PGM2: variants seen among roughly 807,000 people sequenced by gnomAD.
The protein encoded by PGM2 is phosphopentomutase.
PGM2 carries 57 observed loss-of-function variants against 74.6 expected under a neutral mutation model. That is an observed-to-expected ratio of 0.76 (90% CI 0.62 to 0.95). The LOEUF (loss-of-function observed/expected upper bound fraction) is 0.95, where lower values mean the gene tolerates loss of function less well. PGM2 is among the 40% of genes least tolerant of loss of function. The pLI is 0.00. For missense variants in PGM2, 706 were observed against 741.9 expected, an observed-to-expected ratio of 0.95 and a Z score of 0.56; for synonymous variants, 273 against 260.7, an observed-to-expected ratio of 1.05 and a Z score of -0.46.
chr4:37,862,342 T>G lies in PGM2; in HGVS notation c.*730T>G, dbSNP rs1711807283. ...AACTTGAAAGTAGCATATTTTTCTG[T>G]TTTTTGGTTGTTTGTTCATTTGTAT... On this transcript the variant is annotated 3_prime_UTR_variant, in exon 14 of 14. Coordinates refer to ENST00000381967, the MANE Select transcript of PGM2 (RefSeq NM_018290.4). The G allele has an allele frequency of 6.6e-6, 1 of 152,136 alleles. No individual in the cohort carries two copies. Among genetic ancestry groups the G allele is most frequent in the Non-Finnish European group, 1.5e-5 (1 of 68,006 alleles). 9.4% of individuals were successfully genotyped at this position (152,136 alleles called of 1,614,324 possible).
At chr4:37,844,027 G>A (rs901595152) in intron 6 of PGM2, among the ~76,000 whole-genome samples, 2 of 152,154 alleles carry the variant, frequency 1.3e-5, no homozygotes, top group Non-Finnish European at 1.5e-5. Context: ...GAACTGTCCC[G>A]GGCTGGCTGT....
intron 2 of PGM2, among the ~76,000 whole-genome samples, chr4:37,834,272 G>A (rs1666506668): frequency 6.6e-6 from 1 of 151,786 alleles, no homozygotes; most frequent in East Asian, 1.9e-4. Context: ...GGAATTCAAG[G>A]TTGCAGTGAA....
In PGM2 at chr4:37,862,430, C is replaced by T. The variant is rs993283449; in HGVS notation, c.*818C>T. 1 of 152,086 alleles carries T rather than the reference C, an allele frequency of 6.6e-6. No homozygotes were observed. The highest frequency in any genetic ancestry group is 1.5e-5 in the Non-Finnish European group (1 of 67,984). 9.4% of individuals were successfully genotyped at this position (152,086 alleles called of 1,614,324 possible). A position where few individuals can be genotyped will look rare whatever the true frequency, so the allele number is the denominator to read the frequency against. ...AAGACCTATGAGCAAGAACTATTTA[C>T]TTGACCCTCGTTTTTTTCTCTTGTT... On this transcript the variant is annotated 3_prime_UTR_variant, in exon 14 of 14. Transcript: ENST00000381967.
intron 13 of PGM2, among the ~76,000 whole-genome samples, chr4:37,857,389 G>C (rs1711561204): frequency 6.6e-6 from 1 of 152,076 alleles, no homozygotes; most frequent in African/African-American, 2.4e-5. Context: ...ATCTTAAATT[G>C]CCAAGCTAGT....
At chr4:37,856,648 T>C (rs983147882) in intron 13 of PGM2, among the ~76,000 whole-genome samples, 1 of 152,164 alleles carries the variant, frequency 6.6e-6, no homozygotes, top group Non-Finnish European at 1.5e-5. Flanking sequence ...CCTTAGTGTG[T>C]GTAAGTGTGA....
At position 37,850,459 on chromosome 4, in the gene PGM2, A is replaced by C; in HGVS notation, c.1602+86A>C. 2 of 839,846 alleles carry C rather than the reference A, an allele frequency of 2.4e-6. 1 individual carries two copies. The allele number at this position is 839,846 out of a possible 1,614,324, so 52.0% of individuals were successfully genotyped here. ...AATAAATTATTTAACCATACAATTA[A>C]TTGAAGCTGATTTTAGGCACTTAGG... On this transcript the variant is annotated intron_variant, in intron 12 of 13. Transcript: ENST00000381967.
intron 13 of PGM2, among the ~76,000 whole-genome samples, chr4:37,861,002 A>C (rs572369812): frequency 1.3e-5 from 2 of 152,212 alleles, no homozygotes; most frequent in South Asian, 4.1e-4. Context: ...GAGGCTCCCT[A>C]TTGCTGTTCA....
chr4:37,826,941 G>T (rs992265437), intron 1 of PGM2, 128 bp downstream of exon 1: 45 of 607,316 alleles, frequency 7.4e-5, no homozygotes, highest in Admixed American at 6.0e-4. Flanking sequence ...CCCCCGGGAA[G>T]ACCCAGGAGC....
At chr4:37,851,507 T>C (rs1726039139) in intron 12 of PGM2, among the ~76,000 whole-genome samples, 4 of 152,164 alleles carry the variant, frequency 2.6e-5, no homozygotes, top group Admixed American at 2.6e-4. Context: ...GGGAGGAAAG[T>C]TAAGAATATC....
At chr4:37,856,455 T>TAC (rs1726202153) in intron 13 of PGM2, among the ~76,000 whole-genome samples, 2 of 152,238 alleles carry the variant, frequency 1.3e-5, no homozygotes, top group Admixed American at 6.6e-5. Flanking sequence ...GAGTACCCAT[T>TAC]GTAGACAGGT....
chr4:37,840,559 A>G (rs1055594305), intron 6 of PGM2, among the ~76,000 whole-genome samples: 3 of 151,962 alleles, frequency 2.0e-5, no homozygotes, highest in Non-Finnish European at 4.4e-5. Flanking sequence ...ATTTTTTTGT[A>G]TTTTTAGTAG....
intron 4 of PGM2, among the ~76,000 whole-genome samples, chr4:37,838,600 C>T (rs905549279): frequency 6.6e-6 from 1 of 152,042 alleles, no homozygotes; most frequent in African/African-American, 2.4e-5. Flanking sequence ...TTGTGTTTGC[C>T]GGCTCTAGTG....
intron 8 of PGM2, among the ~76,000 whole-genome samples, chr4:37,846,698 A>G (rs532013766): frequency 6.6e-6 from 1 of 152,368 alleles, no homozygotes; most frequent in African/African-American, 2.4e-5. Context: ...CAGTCTTCAA[A>G]GACAGGATGT....
intron 12 of PGM2, 112 bp downstream of exon 12, chr4:37,850,485 C>T (rs1233338305): frequency 4.8e-6 from 3 of 627,794 alleles, no homozygotes; most frequent in African/African-American, 1.9e-5. Context: ...GGCACTTAGG[C>T]GTGATTATAA....
At chr4:37,833,883 G>A (rs140436989) in intron 2 of PGM2, among the ~76,000 whole-genome samples, 5 of 151,154 alleles carry the variant, frequency 3.3e-5, no homozygotes, top group Admixed American at 6.6e-5. Flanking sequence ...AGGTGGCAGC[G>A]TGGAGTACAA....
intron 12 of PGM2, among the ~76,000 whole-genome samples, chr4:37,852,482 A>G (rs900063088): frequency 1.6e-5 from 2 of 124,180 alleles, no homozygotes; most frequent in Non-Finnish European, 3.7e-5. Context: ...TCCTCTTTCT[A>G]TATTTATTTT....
At chr4:37,841,202 A>G (rs2608304) in intron 6 of PGM2, among the ~76,000 whole-genome samples, 36,520 of 123,228 alleles carry the variant, frequency 0.3, 6,225 homozygotes, top group African/African-American at 0.54. Context: ...TGTTCTGTGC[A>G]CTTTTCCCCC....
chr4:37,851,616 C>T (rs933926118), intron 12 of PGM2, among the ~76,000 whole-genome samples: 5 of 152,074 alleles, frequency 3.3e-5, no homozygotes, highest in Admixed American at 6.5e-5. Context: ...AGTATGAAAA[C>T]GCTTACGATG....
chr4:37,846,634 G>A (rs1330193613), intron 8 of PGM2, among the ~76,000 whole-genome samples: 1 of 152,166 alleles, frequency 6.6e-6, no homozygotes, highest in East Asian at 1.9e-4. Context: ...CAAAGGCTTT[G>A]CCAAAGATTA....
Sources: gnomAD v4.1 joint callset for allele counts (sites outside exome capture counted in the v4.1 genomes callset) on GRCh38, gnomAD v4.1.1 for gene constraint, MANE v1.5 for transcripts, NCBI Gene and HGNC (gene_info 2026-07-23, HGNC 2026-07-21) for gene names.